The following TBC1D16 variants were observed in gnomAD, a reference collection of about 807,000 sequenced individuals.
The protein encoded by TBC1D16 is TBC1 domain family member 16.
Under a neutral mutation model 74.7 loss-of-function variants are expected in TBC1D16, and 58 were observed. The ratio of observed to expected loss-of-function variants is 0.78; its 90% CI spans 0.63 to 0.97. The LOEUF (loss-of-function observed/expected upper bound fraction) is 0.97, where lower values mean the gene tolerates loss of function less well. Among genes scored for constraint, TBC1D16 ranks in the 50% least tolerant of loss-of-function variants. The probability of loss-of-function intolerance (pLI) is 0.00; values close to 1 mark genes in which losing one functional copy is unlikely to be tolerated. For synonymous variants in TBC1D16, 493 were observed against 474.7 expected (o/e 1.04, Z -0.50); for missense variants, 1,014 against 1,079.5 (o/e 0.94, Z 0.85).
chr17:80,005,220 T>C (rs535391397), intron 3 of TBC1D16, among the ~76,000 whole-genome samples: 69 of 152,142 alleles, frequency 4.5e-4, no homozygotes, highest in Non-Finnish European at 8.8e-4. Flanking sequence ...GCAGCTTGGA[T>C]TAAAGGTGTG....
intron 3 of TBC1D16, among the ~76,000 whole-genome samples, chr17:79,960,787 A>AC (rs2033566181): frequency 8.4e-6 from 1 of 119,232 alleles, no homozygotes; most frequent in East Asian, 2.3e-4. Context: ...CCCAAAAAAA[A>AC]AAAAAAAAAA....
rs138115550 is a variant in TBC1D16, at chr17:79,936,659, G to C, written c.*4200C>G. 1.3e-5 allele frequency: 2 copies of C among 152,356 alleles called. No homozygotes were observed. Among genetic ancestry groups the C allele is most frequent in the Non-Finnish European group, 2.9e-5 (2 of 68,244 alleles). 9.4% of individuals were successfully genotyped at this position (152,356 alleles called of 1,614,324 possible). A position where few individuals can be genotyped will look rare whatever the true frequency, so the allele number is the denominator to read the frequency against. On this transcript the variant is annotated 3_prime_UTR_variant, in exon 12 of 12. Coordinates refer to ENST00000310924, the MANE Select transcript of TBC1D16 (RefSeq NM_019020.4). ...CATGCCTCTGGCTTCATGAACCTTC[G>C]GGGGAAATTAGCTTTCTAGTTTGGG...
At chr17:79,998,159 A>G (rs1255826316) in intron 3 of TBC1D16, among the ~76,000 whole-genome samples, 1 of 150,050 alleles carries the variant, frequency 6.7e-6, no homozygotes, top group African/African-American at 2.5e-5. Context: ...ACAAGAAAAG[A>G]AAAGGAAAAA....
chr17:80,025,074 C>A (rs202062283), intron 1 of TBC1D16, among the ~76,000 whole-genome samples: 3 of 11,904 alleles, frequency 2.5e-4, no homozygotes, highest in African/African-American at 5.1e-4. Context: ...ATGACACACA[C>A]ACACATACCA....
At chr17:80,018,116 C>T (rs989204738) in intron 1 of TBC1D16, among the ~76,000 whole-genome samples, 9 of 151,148 alleles carry the variant, frequency 6.0e-5, no homozygotes, top group African/African-American at 2.2e-4. Flanking sequence ...GTCCTCTAGA[C>T]CAGCCATGTC....
intron 3 of TBC1D16, among the ~76,000 whole-genome samples, chr17:79,973,481 G>A (rs1285712377): frequency 2.0e-5 from 3 of 152,124 alleles, no homozygotes; most frequent in African/African-American, 7.2e-5. Flanking sequence ...AGGCCAAGGC[G>A]GGCGGATCAC....
At position 80,010,769 on chromosome 17, in the gene TBC1D16, CA is replaced by C. The variant is rs756984921; in HGVS notation, c.182-13del. ...CAAGCACAGGTAACCTGTGAGGAGC[CA>C]GGGGGATGGCACGTTAGAGGCCAGG... On this transcript the variant is annotated splice_polypyrimidine_tract_variant and intron_variant, in intron 2 of 11. Coordinates refer to ENST00000310924, the MANE Select transcript of TBC1D16 (RefSeq NM_019020.4). This position sits in a 1 kb window ranked among gnomAD's most constrained non-coding sequence, Gnocchi z 8.8. 1 of 1,474,788 alleles carries C rather than the reference CA, an allele frequency of 6.8e-7. No homozygotes were observed. The highest frequency in any genetic ancestry group is 1.5e-5 in the South Asian group (1 of 68,398). The allele number at this position is 1,474,788 out of a possible 1,614,324, so 91.4% of individuals were successfully genotyped here. A position where few individuals can be genotyped will look rare whatever the true frequency, so the allele number is the denominator to read the frequency against.
chr17:79,946,222 G>A (rs1385375981), intron 9 of TBC1D16, among the ~76,000 whole-genome samples: 2 of 152,356 alleles, frequency 1.3e-5, no homozygotes, highest in African/African-American at 2.4e-5. Context: ...AAGGTAGTGC[G>A]AATGGTTTCA....
In TBC1D16 at chr17:79,980,245, C is replaced by T. The variant is rs1387096744; in HGVS notation, c.780-27427G>A. 1.3e-5 allele frequency among the ~76,000 whole-genome samples: 2 copies of T among 152,114 alleles called. No individual in the cohort carries two copies. The highest frequency in any genetic ancestry group is 2.4e-5 in the African/African-American group (1 of 41,412). On this transcript the variant is annotated intron_variant, in intron 3 of 11. Transcript: ENST00000310924. This position sits in a 1 kb window ranked among gnomAD's most constrained non-coding sequence, Gnocchi z 7.0. ...ATAATTTGACTAAATTTAGGTGTTC[C>T]CCTTAGGCATCTGATTAAATTTCAT...
intron 3 of TBC1D16, among the ~76,000 whole-genome samples, chr17:79,955,175 G>A (rs1370115695): frequency 1.3e-5 from 2 of 152,192 alleles, no homozygotes; most frequent in African/African-American, 4.8e-5. Flanking sequence ...TCAAGATACT[G>A]TGCTTGGGAC....
At chr17:80,020,088 A>G (rs978541707) in intron 1 of TBC1D16, among the ~76,000 whole-genome samples, 1 of 149,552 alleles carries the variant, frequency 6.7e-6, no homozygotes, top group Non-Finnish European at 1.5e-5. Context: ...TGTGAATACA[A>G]TGATGCCACC....
In TBC1D16 at chr17:79,994,669, C is replaced by T. The variant is rs1261651954; in HGVS notation, c.779+15491G>A. ...GAACTCCTGACCTCAGGTGATCCAC[C>T]AGCCTCGGCATCCCAAAGTGCTGGG... On this transcript the variant is annotated intron_variant, in intron 3 of 11. Coordinates refer to ENST00000310924, the MANE Select transcript of TBC1D16 (RefSeq NM_019020.4). This position sits in a 1 kb window ranked among gnomAD's most constrained non-coding sequence, Gnocchi z 4.6. 6.6e-6 allele frequency among the ~76,000 whole-genome samples: 1 copy of T among 152,152 alleles called. No homozygotes were observed. The highest frequency in any genetic ancestry group is 1.5e-5 in the Non-Finnish European group (1 of 68,036).
chr17:80,034,903 G>A (rs2036905323), intron 1 of TBC1D16, among the ~76,000 whole-genome samples: 1 of 152,162 alleles, frequency 6.6e-6, no homozygotes, highest in Non-Finnish European at 1.5e-5. Flanking sequence ...AAAAGAATTA[G>A]GAGCCTTCTG....
intron 1 of TBC1D16, among the ~76,000 whole-genome samples, chr17:80,019,139 C>G (rs2036198265): frequency 6.7e-6 from 1 of 150,346 alleles, no homozygotes; most frequent in South Asian, 2.1e-4. Flanking sequence ...AATCAAAACC[C>G]TCTTTAAGTG....
intron 3 of TBC1D16, among the ~76,000 whole-genome samples, chr17:79,998,018 A>G (rs2035338969): frequency 6.6e-6 from 1 of 151,820 alleles, no homozygotes; most frequent in African/African-American, 2.4e-5. Context: ...CCAGCTACTC[A>G]AGAGGCTGAG....
At position 80,007,267 on chromosome 17, in the gene TBC1D16, C is replaced by T. The variant is rs867062418; in HGVS notation, c.779+2893G>A. 2.6e-5 allele frequency among the ~76,000 whole-genome samples: 4 copies of T among 152,160 alleles called. No individual in the cohort carries two copies. The highest frequency in any genetic ancestry group is 2.1e-4 in the South Asian group (1 of 4,834). On this transcript the variant is annotated intron_variant, in intron 3 of 11. Transcript: ENST00000310924. This position sits in a 1 kb window ranked among gnomAD's most constrained non-coding sequence, Gnocchi z 4.5. Reference sequence around the variant, plus strand: ...GGTAAGCACCCCCCAGCACGGTCTCCGGGTGGGGACGAGTCCCAGGCCAGG... The same window carrying T: ...GGTAAGCACCCCCCAGCACGGTCTCTGGGTGGGGACGAGTCCCAGGCCAGG...
chr17:79,954,198 G>A lies in TBC1D16; in HGVS notation c.780-1380C>T, dbSNP rs571444973. Among the ~76,000 whole-genome samples the A allele has an allele frequency of 3.3e-5, 5 of 152,170 alleles. No individual in the cohort carries two copies. The highest frequency in any genetic ancestry group is 3.9e-4 in the East Asian group (2 of 5,184). On this transcript the variant is annotated intron_variant, in intron 3 of 11. Transcript: ENST00000310924. This position sits in a 1 kb window ranked among gnomAD's most constrained non-coding sequence, Gnocchi z 5.5. The stretch of plus-strand genomic sequence containing the variant: ...CCGCATTCACCGCACCTGCCTTCCC[G>A]TTTGAGCTCAGAACATAAACTATTA...
At chr17:80,015,785 C>T (rs548413569) in intron 1 of TBC1D16, among the ~76,000 whole-genome samples, 5 of 151,626 alleles carry the variant, frequency 3.3e-5, no homozygotes, top group South Asian at 2.1e-4. Context: ...CCGAGATGGG[C>T]GGATCACCTG....
rs140972222 is a variant in TBC1D16 at position 80,010,188 on chromosome 17, C to T, written c.751G>A (p.Gly251Ser). The T allele has an allele frequency of 1.4e-5, 22 of 1,611,698 alleles. No homozygotes were observed. The highest frequency in any genetic ancestry group is 3.3e-5 in the Admixed American group (2 of 59,808). The change falls in exon 3 of 12, where the codon GGC (glycine) becomes AGC (serine). Residue 251 changes from glycine to serine, a missense_variant. By Grantham distance (56) the Gly-to-Ser change is moderately conservative. Coordinates refer to ENST00000310924, the MANE Select transcript of TBC1D16 (RefSeq NM_019020.4). This position sits in a 1 kb window ranked among gnomAD's most constrained non-coding sequence, Gnocchi z 8.8. ...CTGTCACTTTCCAGAAACACGGAGC[C>T]GCGGCTCTCGGCCAGCGCCGCGCTG... is the stretch of plus-strand genomic sequence containing the variant. ...PISAALAESRGSVFLESDSSP... is the reference protein window; with the variant it reads ...PISAALAESRSSVFLESDSSP...
Sources: gnomAD v4.1 joint callset for allele counts (sites outside exome capture counted in the v4.1 genomes callset) on GRCh38, gnomAD v4.1.1 for gene constraint, Gnocchi (gnomAD v3.1) non-coding constraint, MANE v1.5 for transcripts, NCBI Gene and HGNC (gene_info 2026-07-23, HGNC 2026-07-21) for gene names.